TBC1D1: variants seen among roughly 807,000 people sequenced by gnomAD.
TBC1D1 encodes TBC1 domain family member 1, also known as TBC1 (tre-2/USP6, BUB2, cdc16) domain family, member 1.
In TBC1D1, 89 loss-of-function variants were observed where a neutral mutation model predicts 125.6. That is an observed-to-expected ratio of 0.71 (90% CI 0.60 to 0.85). The LOEUF (loss-of-function observed/expected upper bound fraction) is 0.85. TBC1D1 is among the 40% of genes least tolerant of loss of function. TBC1D1 has a pLI of 0.00. For synonymous variants in TBC1D1, 565 were observed against 564.1 expected (o/e 1.00, Z -0.02); for missense variants, 1,377 against 1,469.2 (o/e 0.94, Z 1.03).
intron 7 of TBC1D1, among the ~76,000 whole-genome samples, chr4:38,028,456 G>A (rs181516316): frequency 4.1e-3 from 619 of 152,284 alleles, no homozygotes; most frequent in African/African-American, 0.015. Context: ...GAGCCACCAC[G>A]CCCAGCCCAA....
At chr4:37,991,236 A>G (rs1164917557) in intron 2 of TBC1D1, among the ~76,000 whole-genome samples, 1 of 150,788 alleles carries the variant, frequency 6.6e-6, no homozygotes, top group Admixed American at 6.6e-5. Flanking sequence ...AGTAGAACTG[A>G]CTATACACTG....
At chr4:38,077,087 T>C in intron 12 of TBC1D1, among the ~76,000 whole-genome samples, 1 of 152,188 alleles carries the variant, frequency 6.6e-6, no homozygotes, top group East Asian at 1.9e-4. Context: ...ATAGCCTTTG[T>C]CATCACATCA....
chr4:38,127,189 C>T (rs1764794408), intron 18 of TBC1D1, among the ~76,000 whole-genome samples: 1 of 151,914 alleles, frequency 6.6e-6, no homozygotes, highest in Non-Finnish European at 1.5e-5. Context: ...GAAAAAAATC[C>T]CATTGTCTCC....
intron 19 of TBC1D1, among the ~76,000 whole-genome samples, chr4:38,134,249 G>A (rs971825759): frequency 6.6e-6 from 1 of 152,134 alleles, no homozygotes; most frequent in Non-Finnish European, 1.5e-5. Context: ...GGTGAGAAAG[G>A]CCAGCCTAGT....
intron 2 of TBC1D1, among the ~76,000 whole-genome samples, chr4:37,949,495 C>T (rs2152316045): frequency 6.6e-6 from 1 of 152,314 alleles, no homozygotes; most frequent in Admixed American, 6.5e-5. Context: ...CCAAGTTCAC[C>T]CACAGGTGCG....
In TBC1D1 at chr4:38,125,109, A is replaced by G. The variant is rs923119310; in HGVS notation, c.3110A>G (p.Gln1037Arg). 55 of 1,614,020 alleles carry G rather than the reference A, an allele frequency of 3.4e-5. No individual in the cohort carries two copies. The highest frequency in any genetic ancestry group is 4.5e-5 in the Non-Finnish European group (53 of 1,180,018). Reference sequence around the variant, plus strand: ...ACGCTACCCAACCTTGGCTTGGTACAGATGGAAAAGACCATCAATCAGGTA... The same window carrying G: ...ACGCTACCCAACCTTGGCTTGGTACGGATGGAAAAGACCATCAATCAGGTA... Residue 1037 changes from glutamine (Q) to arginine (R), a missense_variant, in exon 18 of 20, where the codon CAG becomes CGG. This residue lies in a region of TBC1D1 where 543 missense variants were observed against 613.5 expected (regional missense o/e 0.89). Coordinates refer to ENST00000261439, the MANE Select transcript of TBC1D1 (RefSeq NM_015173.4).
At chr4:37,929,238 A>G (rs1722765798) in intron 2 of TBC1D1, among the ~76,000 whole-genome samples, 1 of 152,200 alleles carries the variant, frequency 6.6e-6, no homozygotes, top group Admixed American at 6.6e-5. Context: ...CAGCTCTTGA[A>G]TTGGAAATGA....
At chr4:37,944,057 A>G (rs556748045) in intron 2 of TBC1D1, among the ~76,000 whole-genome samples, 2 of 152,336 alleles carry the variant, frequency 1.3e-5, no homozygotes, top group African/African-American at 4.8e-5. Context: ...TCTAACAGTC[A>G]GGACCCTCAG....
At chr4:38,029,389 C>T (rs926997142) in intron 7 of TBC1D1, among the ~76,000 whole-genome samples, 1 of 152,092 alleles carries the variant, frequency 6.6e-6, no homozygotes, top group Non-Finnish European at 1.5e-5. Context: ...TTTTTTGAGA[C>T]AGAGTCTCGC....
intron 12 of TBC1D1, among the ~76,000 whole-genome samples, chr4:38,074,764 C>CT (rs10581033): frequency 0.076 from 10,887 of 142,588 alleles, 561 homozygotes; most frequent in African/African-American, 0.14. Flanking sequence ...GTCTCTCTCT[C>CT]TTTTTTTTTT....
At chr4:37,908,784 C>CT (rs1326217629) in intron 2 of TBC1D1, among the ~76,000 whole-genome samples, 1 of 152,090 alleles carries the variant, frequency 6.6e-6, no homozygotes, top group Non-Finnish European at 1.5e-5. Flanking sequence ...GGGAGAAAGG[C>CT]TAAGTTTGAG....
chr4:37,934,415 C>T (rs193173991), intron 2 of TBC1D1, among the ~76,000 whole-genome samples: 155 of 152,170 alleles, frequency 1.0e-3, no homozygotes, highest in African/African-American at 3.5e-3. Context: ...AATGTATCCA[C>T]GATATGGCTT....
chr4:37,969,864 T>C (rs1731718256), intron 2 of TBC1D1, among the ~76,000 whole-genome samples: 1 of 152,238 alleles, frequency 6.6e-6, no homozygotes, highest in South Asian at 2.1e-4. Context: ...TTGTCATCAC[T>C]GCAAAAAGAA....
chr4:37,978,917 C>T (rs892625635), intron 2 of TBC1D1, among the ~76,000 whole-genome samples: 1 of 152,172 alleles, frequency 6.6e-6, no homozygotes, highest in African/African-American at 2.4e-5. Context: ...ACTCTTGTCA[C>T]CTAGGCTGGA....
At chr4:37,988,181 C>T (rs1735836464) in intron 2 of TBC1D1, among the ~76,000 whole-genome samples, 2 of 152,210 alleles carry the variant, frequency 1.3e-5, no homozygotes, top group Admixed American at 6.5e-5. Context: ...GCACGTGTTT[C>T]CAATACATTT....
intron 7 of TBC1D1, among the ~76,000 whole-genome samples, chr4:38,033,973 A>C (rs1024851035): frequency 6.6e-6 from 1 of 152,232 alleles, no homozygotes; most frequent in Non-Finnish European, 1.5e-5. Flanking sequence ...AAGTTTTGAT[A>C]ATTGTGAATA....
At chr4:38,125,163 A>C (rs777891699) in intron 18 of TBC1D1, 32 bp downstream of exon 20, 9 of 1,605,036 alleles carry the variant, frequency 5.6e-6, no homozygotes, top group Admixed American at 1.7e-5. Context: ...GCAAATGCTT[A>C]AGCCATCCTA....
At chr4:37,919,293 A>G (rs1298706339) in intron 2 of TBC1D1, among the ~76,000 whole-genome samples, 1 of 151,668 alleles carries the variant, frequency 6.6e-6, no homozygotes, top group Non-Finnish European at 1.5e-5. Flanking sequence ...TCAGCCTCCC[A>G]AGTACCTGAA....
intron 8 of TBC1D1, among the ~76,000 whole-genome samples, chr4:38,038,741 A>AT (rs1747706153): frequency 6.6e-6 from 1 of 152,062 alleles, no homozygotes; most frequent in Non-Finnish European, 1.5e-5. Context: ...AGGTCAGGAG[A>AT]TTGAGACCAT....
Sources: allele counts gnomAD v4.1 joint callset (sites outside exome capture counted in the v4.1 genomes callset), GRCh38; gene constraint gnomAD v4.1.1; regional missense constraint gnomAD v4.1.1; transcripts MANE v1.5; gene names NCBI Gene and HGNC (gene_info 2026-07-23, HGNC 2026-07-21).